GMDS: variants seen among roughly 807,000 people sequenced by gnomAD.
GMDS encodes GDP-mannose 4,6 dehydratase.
GMDS carries 20 observed loss-of-function variants against 49.9 expected under a neutral mutation model. The observed-to-expected ratio is 0.40, with a 90% CI of 0.28 to 0.58. The LOEUF is 0.58. Ranked by LOEUF, GMDS falls within the 20% of genes least tolerant of loss-of-function variation. GMDS has a pLI of 0.42. For missense variants in GMDS, 362 were observed against 481.4 expected, an observed-to-expected ratio of 0.75 and a Z score of 2.32; for synonymous variants, 177 against 178.6, an observed-to-expected ratio of 0.99 and a Z score of 0.07.
intron 9 of GMDS, among the ~76,000 whole-genome samples, chr6:1,636,876 C>T (rs1289411690): frequency 1.3e-5 from 2 of 152,242 alleles, no homozygotes; most frequent in Non-Finnish European, 2.9e-5. Flanking sequence ...AGGCCTGGCC[C>T]TGTAGCACAA....
At chr6:1,916,587 C>T (rs1041713897) in intron 7 of GMDS, among the ~76,000 whole-genome samples, 4 of 152,186 alleles carry the variant, frequency 2.6e-5, no homozygotes, top group Admixed American at 1.3e-4. Context: ...GAGAGCCAAT[C>T]GTGGCACAGT....
At chr6:2,109,476 G>A (rs1410469281) in intron 4 of GMDS, among the ~76,000 whole-genome samples, 1 of 152,206 alleles carries the variant, frequency 6.6e-6, no homozygotes, top group African/African-American at 2.4e-5. Flanking sequence ...ACAGCCTAAG[G>A]CAGGTGCTTG....
At position 1,778,973 on chromosome 6, in the gene GMDS, G is replaced by A. The variant is rs370921968; in HGVS notation, c.772-36387C>T. Among the ~76,000 whole-genome samples the A allele has an allele frequency of 9.2e-4, 140 of 152,088 alleles. No homozygotes were observed. The highest frequency in any genetic ancestry group is 1.5e-3 in the Admixed American group (23 of 15,280). ...CTTCAAAGGCCTACCCCATCATCTCGCAGTGCTGGCGTGGCCTCCCATGCT... is the reference window on the plus strand; with the variant it reads ...CTTCAAAGGCCTACCCCATCATCTCACAGTGCTGGCGTGGCCTCCCATGCT... On this transcript the variant is annotated intron_variant, in intron 7 of 10. Coordinates refer to ENST00000380815, the MANE Select transcript of GMDS (RefSeq NM_001500.4). The surrounding 1 kb of genome is among the most constrained non-coding windows in gnomAD (Gnocchi z 4.6).
At chr6:1,795,435 A>G (rs996728323) in intron 7 of GMDS, among the ~76,000 whole-genome samples, 3 of 152,162 alleles carry the variant, frequency 2.0e-5, no homozygotes, top group Admixed American at 1.3e-4. Context: ...CTTTTCCCAT[A>G]TATCTGTATA....
At chr6:2,181,174 CAAAA>C (rs755377915) in intron 1 of GMDS, among the ~76,000 whole-genome samples, 2 of 51,332 alleles carry the variant, frequency 3.9e-5, no homozygotes, top group Admixed American at 3.8e-4. Context: ...GACTCCATCT[CAAAA>C]AAAAAAAAAA....
At chr6:2,165,109 C>G (rs1777598173) in intron 1 of GMDS, among the ~76,000 whole-genome samples, 1 of 152,172 alleles carries the variant, frequency 6.6e-6, no homozygotes. Flanking sequence ...TAGAGAGCCA[C>G]TTCTAGAAAC....
chr6:1,811,226 T>A (rs1489602865), intron 7 of GMDS, among the ~76,000 whole-genome samples: 1 of 152,234 alleles, frequency 6.6e-6, no homozygotes, highest in Non-Finnish European at 1.5e-5. Context: ...TCTTTCACCC[T>A]TGTCAAAAAG....
intron 6 of GMDS, among the ~76,000 whole-genome samples, chr6:1,933,939 C>T (rs1436235412): frequency 2.0e-5 from 3 of 152,100 alleles, no homozygotes; most frequent in South Asian, 4.2e-4. Context: ...GTGTCATATT[C>T]GAGAAGGCTT....
At chr6:1,764,913 G>A (rs1768289809) in intron 7 of GMDS, among the ~76,000 whole-genome samples, 1 of 152,150 alleles carries the variant, frequency 6.6e-6, no homozygotes, top group Non-Finnish European at 1.5e-5. Flanking sequence ...AAATAAATTT[G>A]TATTATATAG....
chr6:2,090,058 C>T (rs184948971), intron 4 of GMDS, among the ~76,000 whole-genome samples: 85 of 152,316 alleles, frequency 5.6e-4, no homozygotes, highest in African/African-American at 2.0e-3. Context: ...AAATTTGTAG[C>T]TTACCTCCTC....
At chr6:2,235,312 T>G (rs1781307056) in intron 1 of GMDS, among the ~76,000 whole-genome samples, 1 of 152,130 alleles carries the variant, frequency 6.6e-6, no homozygotes, top group African/African-American at 2.4e-5. Flanking sequence ...AGATTAAACT[T>G]ACTAAACATT....
chr6:1,987,172 A>G (rs1002195085), intron 4 of GMDS, among the ~76,000 whole-genome samples: 1 of 152,240 alleles, frequency 6.6e-6, no homozygotes, highest in Non-Finnish European at 1.5e-5. Flanking sequence ...ACCAGAGAAC[A>G]TTAGTATGAA....
chr6:1,697,504 C>T (rs1765384381), intron 9 of GMDS, among the ~76,000 whole-genome samples: 1 of 152,238 alleles, frequency 6.6e-6, no homozygotes, highest in Admixed American at 6.5e-5. Flanking sequence ...TTCTTATAGG[C>T]TATTCCTTAA....
intron 4 of GMDS, among the ~76,000 whole-genome samples, chr6:1,978,549 C>T (rs1386521679): frequency 1.3e-5 from 2 of 152,156 alleles, no homozygotes; most frequent in African/African-American, 2.4e-5. Context: ...CGGGTCCTCC[C>T]AGCTGGGGCC....
At chr6:2,129,265 C>T (rs1442511763) in intron 1 of GMDS, among the ~76,000 whole-genome samples, 1 of 152,106 alleles carries the variant, frequency 6.6e-6, no homozygotes, top group Non-Finnish European at 1.5e-5. Context: ...TCCACACATC[C>T]CCCACACACA....
intron 4 of GMDS, among the ~76,000 whole-genome samples, chr6:2,052,206 G>GT (rs1770462910): frequency 6.6e-6 from 1 of 150,966 alleles, no homozygotes; most frequent in African/African-American, 2.4e-5. Context: ...TCACCTTTTA[G>GT]TTCAGTCAAC....
At chr6:2,034,958 G>C (rs1769203887) in intron 4 of GMDS, among the ~76,000 whole-genome samples, 1 of 152,076 alleles carries the variant, frequency 6.6e-6, no homozygotes, top group South Asian at 2.1e-4. Flanking sequence ...ATGGTTGGGG[G>C]GAAAAAGAAG....
At chr6:1,727,223 T>C (rs1403260193) in intron 8 of GMDS, among the ~76,000 whole-genome samples, 1 of 152,212 alleles carries the variant, frequency 6.6e-6, no homozygotes, top group Non-Finnish European at 1.5e-5. Flanking sequence ...CATCCAAGGT[T>C]GACAGCAGTA....
intron 4 of GMDS, among the ~76,000 whole-genome samples, chr6:2,077,879 T>C (rs992852716): frequency 2.0e-5 from 3 of 152,246 alleles, no homozygotes; most frequent in Admixed American, 1.3e-4. Context: ...TTTATACATA[T>C]GGTAGAATTC....
Sources: gnomAD v4.1 joint callset for allele counts (sites outside exome capture counted in the v4.1 genomes callset) on GRCh38, gnomAD v4.1.1 for gene constraint, Gnocchi (gnomAD v3.1) non-coding constraint, MANE v1.5 for transcripts, NCBI Gene and HGNC (gene_info 2026-07-23, HGNC 2026-07-21) for gene names.